PCDHGA6: variants seen among roughly 807,000 people sequenced by gnomAD.
PCDHGA6 encodes protocadherin gamma subfamily A, 6.
PCDHGA6 carries 41 observed loss-of-function variants against 60.6 expected under a neutral mutation model. The ratio of observed to expected loss-of-function variants is 0.68; its 90% CI spans 0.53 to 0.88. PCDHGA6 has a LOEUF of 0.88. PCDHGA6 is among the 40% of genes least tolerant of loss of function. PCDHGA6 has a pLI of 0.00. For synonymous variants in PCDHGA6, 594 were observed against 524.4 expected (o/e 1.13, Z -1.81); for missense variants, 1,312 against 1,203.0 (o/e 1.09, Z -1.34).
intron 1 of PCDHGA6, chr5:141,398,688 T>C: frequency 1.2e-6 from 2 of 1,613,938 alleles, no homozygotes; most frequent in South Asian, 2.2e-5. Flanking sequence ...AGAAACAGGA[T>C]GGTAGTAAAT....
intron 1 of PCDHGA6, among the ~76,000 whole-genome samples, chr5:141,448,855 G>A (rs2098611434): frequency 6.6e-6 from 1 of 152,172 alleles, no homozygotes. Context: ...TGAGGCAGGA[G>A]AATGGCGTGA....
At position 141,491,834 on chromosome 5, in the gene PCDHGA6, C is replaced by T; in HGVS notation, c.2425-2973C>T. 6 of 1,473,830 alleles carry T rather than the reference C, an allele frequency of 4.1e-6. No homozygotes were observed. The highest frequency in any genetic ancestry group is 5.4e-6 in the Non-Finnish European group (6 of 1,112,366). The allele number at this position is 1,473,830 out of a possible 1,614,324, so 91.3% of individuals were successfully genotyped here. ...CGCTGGCTGCGCTCCACCCGATTCTCGGGATCATTGGACCGTTTGCGCGAA... is the reference window on the plus strand; with the variant it reads ...CGCTGGCTGCGCTCCACCCGATTCTTGGGATCATTGGACCGTTTGCGCGAA... On this transcript the variant is annotated intron_variant, in intron 1 of 3. Transcript: ENST00000517434. This position sits in a 1 kb window ranked among gnomAD's most constrained non-coding sequence, Gnocchi z 6.9.
At chr5:141,388,773 G>T (rs769358867) in intron 1 of PCDHGA6, 12 of 1,613,808 alleles carry the variant, frequency 7.4e-6, no homozygotes, top group Non-Finnish European at 9.3e-6. Context: ...CTCTAACACC[G>T]GGGAAATTAC....
At chr5:141,423,501 C>T (rs2096747990) in intron 1 of PCDHGA6, 1 of 1,613,990 alleles carries the variant, frequency 6.2e-7, no homozygotes, top group Non-Finnish European at 8.5e-7. Context: ...CCCACGAGGT[C>T]TCTCTCATTG....
intron 1 of PCDHGA6, chr5:141,413,762 C>A: frequency 1.2e-6 from 2 of 1,612,894 alleles, no homozygotes; most frequent in Non-Finnish European, 8.5e-7. Flanking sequence ...GTCAAGTACC[C>A]GGAGCTGGTA....
chr5:141,445,093 A>G (rs987863232), intron 1 of PCDHGA6, among the ~76,000 whole-genome samples: 2 of 152,168 alleles, frequency 1.3e-5, no homozygotes, highest in Non-Finnish European at 2.9e-5. Flanking sequence ...TACATATTTG[A>G]TGTTTTCTAA....
chr5:141,417,211 T>C (rs1027777607), intron 1 of PCDHGA6: 1 of 152,174 alleles, frequency 6.6e-6, no homozygotes, highest in Admixed American at 6.5e-5. Context: ...TAGGCTAGAA[T>C]TGAAGACAAA....
chr5:141,393,900 G>C (rs1048161107), intron 1 of PCDHGA6: 1 of 1,613,906 alleles, frequency 6.2e-7, no homozygotes, highest in Non-Finnish European at 8.5e-7. Context: ...TTCTCTTCCC[G>C]GGACAGTAAT....
At chr5:141,417,702 A>G (rs2096149298) in intron 1 of PCDHGA6, 2 of 1,199,336 alleles carry the variant, frequency 1.7e-6, no homozygotes, top group Non-Finnish European at 1.1e-6. Context: ...CAGCTCCCAC[A>G]CAGAGGCTCC....
intron 1 of PCDHGA6, chr5:141,413,618 A>G (rs1188549125): frequency 6.2e-7 from 1 of 1,613,916 alleles, no homozygotes; most frequent in Non-Finnish European, 8.5e-7. Context: ...AAAATTAATG[A>G]AAATGTCGCT....
At chr5:141,463,844 G>T (rs545618795) in intron 1 of PCDHGA6, among the ~76,000 whole-genome samples, 1 of 152,140 alleles carries the variant, frequency 6.6e-6, no homozygotes, top group African/African-American at 2.4e-5. Context: ...AGTTGTTATA[G>T]TGGTATATCT....
chr5:141,419,613 G>T (rs369914837), intron 1 of PCDHGA6: 144 of 1,612,020 alleles, frequency 8.9e-5, no homozygotes, highest in Admixed American at 1.5e-4. Context: ...GCGCAGCCAG[G>T]CTACCTGGTG....
In PCDHGA6 at chr5:141,376,223, C is replaced by A; in HGVS notation, c.2140C>A (p.Leu714Ile). ...FLAFVIVLLA[L>I]RLQRWHKSRL... Reference sequence around the variant, plus strand: ...GGCCTTCGTCATCGTGCTGCTGGCGCTCAGACTGCAGCGCTGGCACAAGTC... The same window carrying A: ...GGCCTTCGTCATCGTGCTGCTGGCGATCAGACTGCAGCGCTGGCACAAGTC... Residue 714 changes from leucine to isoleucine, a missense_variant, in exon 1 of 4, where the codon CTC (leucine) becomes ATC (isoleucine). Coordinates refer to ENST00000517434, the MANE Select transcript of PCDHGA6 (RefSeq NM_018919.3). The A allele has an allele frequency of 1.9e-6, 3 of 1,614,202 alleles. No individual in the cohort carries two copies. Among genetic ancestry groups the A allele is most frequent in the Non-Finnish European group, 2.5e-6 (3 of 1,180,038 alleles).
chr5:141,388,397 A>C, intron 1 of PCDHGA6: 1 of 1,613,956 alleles, frequency 6.2e-7, no homozygotes, highest in Non-Finnish European at 8.5e-7. Context: ...AGAATTACCA[A>C]CTCAGTCCCA....
chr5:141,494,746 C>A lies in PCDHGA6; in HGVS notation c.2425-61C>A. 3 of 1,613,088 alleles carry A rather than the reference C, an allele frequency of 1.9e-6. No individual in the cohort carries two copies. The South Asian group carries it at 3.3e-5, about 18-fold the overall frequency. On this transcript the variant is annotated intron_variant, in intron 1 of 3. Coordinates refer to ENST00000517434, the MANE Select transcript of PCDHGA6 (RefSeq NM_018919.3). ...TTCTCTCCCGGCCCATCCCTAGGGG[C>A]TCGGGTGACATTCTAACTTCTCACG...
chr5:141,489,491 T>C lies in PCDHGA6; in HGVS notation c.2425-5316T>C. On this transcript the variant is annotated intron_variant, in intron 1 of 3. Transcript: ENST00000517434. This position sits in a 1 kb window ranked among gnomAD's most constrained non-coding sequence, Gnocchi z 4.5. ...TCCCTGAGCTTGATGAGTGGTGCCC[T>C]GGCAGTGAATCAAAAGATTGACCGA... The C allele has an allele frequency of 6.2e-7, 1 of 1,614,066 alleles. No individual in the cohort carries two copies. The highest frequency in any genetic ancestry group is 8.5e-7 in the Non-Finnish European group (1 of 1,180,024).
intron 1 of PCDHGA6, among the ~76,000 whole-genome samples, chr5:141,456,135 G>A (rs1422353665): frequency 6.6e-6 from 1 of 152,052 alleles, no homozygotes; most frequent in Non-Finnish European, 1.5e-5. Context: ...CTGACCTCCT[G>A]ATCCGCCCGC....
At chr5:141,385,285 G>C in intron 1 of PCDHGA6, 1 of 1,613,408 alleles carries the variant, frequency 6.2e-7, no homozygotes, top group Non-Finnish European at 8.5e-7. Flanking sequence ...AACATCCGTA[G>C]ATTTTCAGGA....
At position 141,389,707 on chromosome 5, in the gene PCDHGA6, A is replaced by G; in HGVS notation, c.2424+13200A>G. 1 of 1,612,620 alleles carries G rather than the reference A, an allele frequency of 6.2e-7. No homozygotes were observed. Among genetic ancestry groups the G allele is most frequent in the African/African-American group, 1.3e-5 (1 of 75,046 alleles). The stretch of plus-strand genomic sequence containing the variant: ...GCCTGGCTGTCCTACCACGTGCTGC[A>G]GGCTAGCGAGCCCGGGCTCTTCAGC... On this transcript the variant is annotated intron_variant, in intron 1 of 3. Coordinates refer to ENST00000517434, the MANE Select transcript of PCDHGA6 (RefSeq NM_018919.3).
Sources: gnomAD v4.1 joint callset for allele counts (sites outside exome capture counted in the v4.1 genomes callset) on GRCh38, gnomAD v4.1.1 for gene constraint, Gnocchi (gnomAD v3.1) non-coding constraint, MANE v1.5 for transcripts, NCBI Gene and HGNC (gene_info 2026-07-23, HGNC 2026-07-21) for gene names.